DOCK7: variants seen among roughly 807,000 people sequenced by gnomAD.
DOCK7 encodes dedicator of cytokinesis 7, also known as dedicator of cytokinesis protein 7.
A neutral mutation model predicts 271.0 loss-of-function variants in DOCK7; 138 were observed. The observed-to-expected ratio is 0.51, with a 90% CI of 0.44 to 0.59. The LOEUF (loss-of-function observed/expected upper bound fraction) is 0.59, where lower values mean the gene tolerates loss of function less well. Among genes scored for constraint, DOCK7 ranks in the 20% least tolerant of loss-of-function variants. DOCK7 has a pLI of 0.00. For synonymous variants in DOCK7, 823 were observed against 876.1 expected, an observed-to-expected ratio of 0.94 and a Z score of 1.07; for missense variants, 2,066 against 2,592.4, an observed-to-expected ratio of 0.80 and a Z score of 4.41.
rs1242717168 is a variant in DOCK7 at position 62,488,750 on chromosome 1, G to C, written c.5493+184C>G. The C allele has an allele frequency of 5.3e-6, 4 of 752,426 alleles. No individual in the cohort carries two copies. In the South Asian group the frequency reaches 6.0e-5, roughly 11 times the overall value. 46.6% of individuals were successfully genotyped at this position (752,426 alleles called of 1,614,324 possible). A position where few individuals can be genotyped will look rare whatever the true frequency, so the allele number is the denominator to read the frequency against. ...TTTATGATGATCACCATTTACTTTA[G>C]GTGAATTCATTTTTATTGTTAATGA... On this transcript the variant is annotated intron_variant, in intron 42 of 49. Transcript: ENST00000635253.
intron 17 of DOCK7, 26 bp downstream of exon 17, chr1:62,578,802 C>A: frequency 3.4e-6 from 5 of 1,475,882 alleles, no homozygotes; most frequent in South Asian, 1.3e-5. Flanking sequence ...GCTCTTTGAT[C>A]TAAATATTGA....
At chr1:62,490,830 A>C (rs567143889) in intron 41 of DOCK7, among the ~76,000 whole-genome samples, 4 of 152,242 alleles carry the variant, frequency 2.6e-5, no homozygotes, top group African/African-American at 7.2e-5. Context: ...TAGCTTAGAC[A>C]AGTGTAGGGA....
intron 42 of DOCK7, 90 bp downstream of exon 42, chr1:62,488,844 G>C (rs768611132): frequency 6.6e-7 from 1 of 1,517,154 alleles, no homozygotes; most frequent in Non-Finnish European, 9.1e-7. Flanking sequence ...GTCATTTCAC[G>C]GGATCTAGTT....
chr1:62,610,975 C>T (rs1334788252), intron 14 of DOCK7, among the ~76,000 whole-genome samples: 2 of 152,098 alleles, frequency 1.3e-5, no homozygotes. Context: ...AATATATACC[C>T]AATAATGGGA....
At chr1:62,619,815 A>T (rs935128532) in intron 13 of DOCK7, 85 bp downstream of exon 13, 1 of 851,638 alleles carries the variant, frequency 1.2e-6, no homozygotes, top group Non-Finnish European at 1.8e-6. Context: ...AGATAAATAA[A>T]AAAAAAAGAT....
Position 62,542,686 on chromosome 1 carries a change from C to T in DOCK7, c.2967G>A (p.Leu989=), listed in dbSNP as rs1406565564. 3 of 1,613,080 alleles carry T rather than the reference C, an allele frequency of 1.9e-6. No individual in the cohort carries two copies. The highest frequency in any genetic ancestry group is 2.2e-5 in the East Asian group (1 of 44,868). Residue 989 remains leucine (L), a synonymous_variant, in exon 25 of 50, where the codon CTG becomes CTA. Coordinates refer to ENST00000635253, the MANE Select transcript of DOCK7 (RefSeq NM_001367561.1). ...LPTKKLFHEE[L]ALQWVVCSGS... ...CACTGCAAACAACCCACTGCAAAGCCAGCTCCTCGTGAAAAAGCTATCCAG... is the reference window on the plus strand; with the variant it reads ...CACTGCAAACAACCCACTGCAAAGCTAGCTCCTCGTGAAAAAGCTATCCAG...
chr1:62,646,946 C>T (rs142814657), intron 7 of DOCK7, among the ~76,000 whole-genome samples: 125 of 152,278 alleles, frequency 8.2e-4, no homozygotes, highest in African/African-American at 2.9e-3. Flanking sequence ...TAAGTAAGAA[C>T]TGATGTTAGG....
intron 14 of DOCK7, among the ~76,000 whole-genome samples, chr1:62,610,359 C>T (rs867141436): frequency 9.2e-5 from 14 of 152,058 alleles, no homozygotes; most frequent in Middle Eastern, 6.8e-3. Context: ...TTTTCAGTAA[C>T]GTTCAGCTGA....
chr1:62,488,484 T>C (rs568448278), intron 42 of DOCK7: 1 of 166,944 alleles, frequency 6.0e-6, no homozygotes, highest in Admixed American at 6.2e-5. Context: ...ATTGTAAACA[T>C]CTAGGAAAAA....
chr1:62,635,542 A>C (rs1391807378), intron 8 of DOCK7: 1 of 151,944 alleles, frequency 6.6e-6, no homozygotes, highest in Non-Finnish European at 1.5e-5. Context: ...TCTCAAAAAA[A>C]AAAAAAAGTA....
chr1:62,677,754 C>T (rs973026246), intron 1 of DOCK7, among the ~76,000 whole-genome samples: 9 of 152,070 alleles, frequency 5.9e-5, no homozygotes, highest in Non-Finnish European at 1.3e-4. Context: ...CTAGGAAACC[C>T]AAACTAAAAG....
chr1:62,636,265 G>C (rs1655260398), intron 8 of DOCK7, among the ~76,000 whole-genome samples: 1 of 152,144 alleles, frequency 6.6e-6, no homozygotes, highest in Non-Finnish European at 1.5e-5. Context: ...TGTACTGCTT[G>C]CCAAAAGTGA....
At chr1:62,553,358 T>A (rs1348330244) in intron 21 of DOCK7, among the ~76,000 whole-genome samples, 45 of 6,776 alleles carry the variant, frequency 6.6e-3, no homozygotes, top group African/African-American at 0.021. Context: ...ATATATATTT[T>A]TTTTTTTTTT....
intron 15 of DOCK7, among the ~76,000 whole-genome samples, chr1:62,586,182 T>C (rs951846483): frequency 6.6e-6 from 1 of 152,156 alleles, no homozygotes; most frequent in Non-Finnish European, 1.5e-5. Flanking sequence ...AGAAAAGATA[T>C]CTCTACTTTG....
chr1:62,561,559 AG>A (rs1646322589), intron 19 of DOCK7, 57 bp downstream of exon 19: 1 of 1,068,258 alleles, frequency 9.4e-7, no homozygotes, highest in African/African-American at 1.7e-5. Flanking sequence ...CACAAGTATT[AG>A]ATATTACGTT....
At chr1:62,515,860 A>G (rs1330457753) in intron 31 of DOCK7, among the ~76,000 whole-genome samples, 1 of 152,200 alleles carries the variant, frequency 6.6e-6, no homozygotes, top group Non-Finnish European at 1.5e-5. Context: ...AATTAGGACA[A>G]TTTGATTTTG....
At chr1:62,685,171 A>C (rs1215545242) in intron 1 of DOCK7, among the ~76,000 whole-genome samples, 1 of 152,182 alleles carries the variant, frequency 6.6e-6, no homozygotes, top group Non-Finnish European at 1.5e-5. Context: ...AATTCATTTA[A>C]TCCCCACAAC....
chr1:62,548,121 G>GCTTA (rs757508225), intron 22 of DOCK7, among the ~76,000 whole-genome samples: 9 of 151,390 alleles, frequency 5.9e-5, no homozygotes, highest in Non-Finnish European at 1.2e-4. Flanking sequence ...CCACAATGAA[G>GCTTA]CTTACACTCT....
At chr1:62,522,955 A>G (rs1571392099) in intron 31 of DOCK7, among the ~76,000 whole-genome samples, 1 of 152,182 alleles carries the variant, frequency 6.6e-6, no homozygotes, top group East Asian at 1.9e-4. Context: ...TTATAGGAAC[A>G]TTAAAAAATA....
Sources: allele counts gnomAD v4.1 joint callset (sites outside exome capture counted in the v4.1 genomes callset), GRCh38; gene constraint gnomAD v4.1.1; transcripts MANE v1.5; gene names NCBI Gene and HGNC (gene_info 2026-07-23, HGNC 2026-07-21).